Variants in RMC1 observed in about 807,000 individuals in gnomAD.
RMC1 encodes regulator of MON1-CCZ1.
Under a neutral mutation model 95.5 loss-of-function variants are expected in RMC1, and 44 were observed. That is an observed-to-expected ratio of 0.46 (90% CI 0.36 to 0.59). The LOEUF (loss-of-function observed/expected upper bound fraction) is 0.59, where lower values mean the gene tolerates loss of function less well. Ranked by LOEUF, RMC1 falls within the 20% of genes least tolerant of loss-of-function variation. RMC1 has a pLI of 0.00. For synonymous variants in RMC1, 320 were observed against 303.6 expected, an observed-to-expected ratio of 1.05 and a Z score of -0.56; for missense variants, 705 against 819.6, an observed-to-expected ratio of 0.86 and a Z score of 1.71.
chr18:23,525,252 A>G (rs2058263875), intron 12 of RMC1, among the ~76,000 whole-genome samples: 2 of 149,372 alleles, frequency 1.3e-5, no homozygotes, highest in South Asian at 4.2e-4. Flanking sequence ...GGCCTAAAGA[A>G]ATCTTATTTT....
rs371188093 is a variant in RMC1 at position 23,524,143 on chromosome 18, G to T, written c.975G>T (p.Val325=). 1.9e-6 allele frequency: 3 copies of T among 1,613,922 alleles called. No homozygotes were observed. In the African/African-American group the frequency reaches 4.0e-5, roughly 22 times the overall value. Residue 325 remains valine, a synonymous_variant, in exon 11 of 20, where the codon GTG becomes GTT. Transcript: ENST00000269221. ...YQIPITGPAA[V]TSQSPVPCKL... The stretch of plus-strand genomic sequence containing the variant: ...CTCAATTTGTAGGTCCTGCTGCCGT[G>T]ACCAGCCAGTCTCCTGTTCCATGTA...
chr18:23,507,924 G>A (rs1479951870), intron 3 of RMC1, 61 bp from the exon 4 acceptor site: 14 of 1,465,994 alleles, frequency 9.5e-6, no homozygotes, highest in Admixed American at 7.5e-5. Context: ...GTATGCCAAC[G>A]TAGGTTGGCA....
intron 2 of RMC1, 95 bp from the exon 3 acceptor site, chr18:23,506,875 C>T (rs2057729901): frequency 2.4e-6 from 2 of 834,808 alleles, no homozygotes; most frequent in East Asian, 2.7e-5. Context: ...GAATTTGCTG[C>T]CTCCTGAATA....
chr18:23,529,174 T>C lies in RMC1; in HGVS notation c.1297-5T>C. On this transcript the variant is annotated splice_polypyrimidine_tract_variant and splice_region_variant and intron_variant, in intron 14 of 19. Coordinates refer to ENST00000269221, the MANE Select transcript of RMC1 (RefSeq NM_013326.5). ...AGATCATAGTTTGTGGTTTTTTTCT[T>C]TCAGGCGGTGGAAGCAGGGCAGAGC... The C allele has an allele frequency of 6.2e-7, 1 of 1,607,242 alleles. No homozygotes were observed.
At chr18:23,510,030 A>G (rs1567914788) in intron 5 of RMC1, among the ~76,000 whole-genome samples, 1 of 150,678 alleles carries the variant, frequency 6.6e-6, no homozygotes, top group Non-Finnish European at 1.5e-5. Context: ...AAAAAAAAAA[A>G]AAAGAAAAGA....
At position 23,531,669 on chromosome 18, in the gene RMC1, G is replaced by GGA; in HGVS notation, c.1942_1943dup (p.Asp648GlufsTer5). On this transcript the variant is annotated frameshift_variant, in exon 20 of 20. Transcript: ENST00000269221. LOFTEE classifies it high-confidence loss of function. ...TGTTGCTTTTTTCAAACAGATTTTT[G>GGA]GAGACCAAGCTCTAATGAGGCCTAC... The GGA allele has an allele frequency of 6.2e-7, 1 of 1,613,282 alleles. No homozygotes were observed. The highest frequency in any genetic ancestry group is 8.5e-7 in the Non-Finnish European group (1 of 1,179,866).
intron 5 of RMC1, among the ~76,000 whole-genome samples, chr18:23,512,016 C>G (rs918321981): frequency 1.6e-5 from 2 of 127,222 alleles, no homozygotes; most frequent in Admixed American, 8.1e-5. Flanking sequence ...GGTAGAAAGA[C>G]TTTTTTTTTT....
At chr18:23,524,602 G>A in intron 12 of RMC1, 120 bp downstream of exon 12, 2 of 996,954 alleles carry the variant, frequency 2.0e-6, no homozygotes, top group Non-Finnish European at 3.0e-6. Context: ...TTTCAAGCGT[G>A]GGAATGGGAT....
intron 15 of RMC1, 66 bp downstream of exon 15, chr18:23,529,364 A>T (rs1173545701): frequency 6.4e-7 from 1 of 1,553,360 alleles, no homozygotes; most frequent in Non-Finnish European, 8.6e-7. Context: ...GCTGAAAACG[A>T]GGAGACTTCA....
At chr18:23,517,225 C>T (rs1401691148) in intron 7 of RMC1, among the ~76,000 whole-genome samples, 2 of 151,920 alleles carry the variant, frequency 1.3e-5, no homozygotes, top group Non-Finnish European at 2.9e-5. Flanking sequence ...TCTTGGCTCA[C>T]TGCAACCTCC....
At chr18:23,517,553 G>A (rs1185530674) in intron 7 of RMC1, among the ~76,000 whole-genome samples, 1 of 152,166 alleles carries the variant, frequency 6.6e-6, no homozygotes, top group East Asian at 1.9e-4. Flanking sequence ...ACCCCTGTAT[G>A]CCTGTATCTG....
chr18:23,515,357 C>T (rs1475429216), intron 5 of RMC1, among the ~76,000 whole-genome samples: 1 of 152,172 alleles, frequency 6.6e-6, no homozygotes, highest in Non-Finnish European at 1.5e-5. Context: ...GCCTGCCTCT[C>T]AGTCGTGGCA....
intron 2 of RMC1, among the ~76,000 whole-genome samples, chr18:23,505,143 C>T (rs1447495902): frequency 2.6e-5 from 4 of 152,148 alleles, no homozygotes; most frequent in Non-Finnish European, 4.4e-5. Flanking sequence ...CTGCAACCTC[C>T]GCCTCCCAGG....
intron 1 of RMC1, among the ~76,000 whole-genome samples, 183 bp from the exon 2 acceptor site, chr18:23,504,188 C>T (rs560875952): frequency 6.6e-6 from 1 of 152,244 alleles, no homozygotes; most frequent in Non-Finnish European, 1.5e-5. Flanking sequence ...GCATCCTTTT[C>T]GCTCTCTGCT....
chr18:23,519,013 G>A (rs2058078685), intron 8 of RMC1, 34 bp downstream of exon 8: 2 of 1,613,232 alleles, frequency 1.2e-6, no homozygotes, highest in East Asian at 4.5e-5. Context: ...CTCTCTCTCT[G>A]ATTTTAAAAT....
chr18:23,519,867 A>T (rs1652340), intron 9 of RMC1, among the ~76,000 whole-genome samples: 2 of 151,872 alleles, frequency 1.3e-5, no homozygotes, highest in African/African-American at 4.8e-5. Flanking sequence ...GAAGCTGCTT[A>T]CCTCCTCTAC....
chr18:23,504,334 A>T, intron 1 of RMC1, 37 bp from the exon 2 acceptor site: 1 of 1,588,538 alleles, frequency 6.3e-7, no homozygotes, highest in Non-Finnish European at 8.6e-7. Flanking sequence ...ATCCTTTCAG[A>T]GTTCAGGCTG....
At chr18:23,526,857 C>CT in intron 13 of RMC1, 92 bp downstream of exon 13, 1 of 1,501,676 alleles carries the variant, frequency 6.7e-7, no homozygotes, top group Non-Finnish European at 9.0e-7. Flanking sequence ...ATTGTTGTGT[C>CT]TTGTCTGTGA....
In RMC1 at chr18:23,515,888, G is replaced by C; in HGVS notation, c.441G>C (p.Leu147Phe). Residue 147 changes from leucine (L) to phenylalanine (F), a missense_variant, in exon 6 of 20, where the codon TTG (leucine) becomes TTC (phenylalanine). By Grantham distance (22) the Leu-to-Phe change is conservative. Transcript: ENST00000269221. The stretch of plus-strand genomic sequence containing the variant: ...CAGAGAAACGGAGTCTGAAACTCTT[G>C]AAGAGCCACAATCTCAATGTGAATT... ...VLPEKRSLKLLKSHNLNVNWY... is the reference protein window; with the variant it reads ...VLPEKRSLKLFKSHNLNVNWY... The C allele has an allele frequency of 6.2e-7, 1 of 1,614,150 alleles. No homozygotes were observed.
Sources: gnomAD v4.1 joint callset for allele counts (sites outside exome capture counted in the v4.1 genomes callset) on GRCh38, gnomAD v4.1.1 for gene constraint, MANE v1.5 for transcripts, NCBI Gene and HGNC (gene_info 2026-07-23, HGNC 2026-07-21) for gene names.